The following OPA1 variants were observed in gnomAD, a reference collection of about 807,000 sequenced individuals.
The protein encoded by OPA1 is OPA1 mitochondrial dynamin like GTPase.
Under a neutral mutation model 152.9 loss-of-function variants are expected in OPA1, and 59 were observed. The ratio of observed to expected loss-of-function variants is 0.39; its 90% CI spans 0.31 to 0.48. OPA1 has a LOEUF of 0.48. OPA1 is among the 20% of genes least tolerant of loss of function. The pLI is 0.96. For missense variants in OPA1, 1,008 were observed against 1,216.8 expected (o/e 0.83, Z 2.55); for synonymous variants, 400 against 389.9 (o/e 1.03, Z -0.31).
Position 193,637,180 on chromosome 3 carries a change from T to G in OPA1, c.949-15T>G, listed in dbSNP as rs1169664862. 1.3e-6 allele frequency: 2 copies of G among 1,483,328 alleles called. No individual in the cohort carries two copies. Among genetic ancestry groups the G allele is most frequent in the Non-Finnish European group, 1.9e-6 (2 of 1,072,500 alleles). 91.9% of individuals were successfully genotyped at this position (1,483,328 alleles called of 1,614,324 possible). ...TTTTACTGTTTTATATTATAACTTT[T>G]TAAAATTTTTACAGAAATCTTTGAT... is the stretch of plus-strand genomic sequence containing the variant. On this transcript the variant is annotated splice_polypyrimidine_tract_variant and intron_variant, in intron 9 of 30. Coordinates refer to ENST00000361510, the MANE Select transcript of OPA1 (RefSeq NM_130837.3).
intron 1 of OPA1, among the ~76,000 whole-genome samples, chr3:193,612,027 T>A (rs1212188452): frequency 1.3e-5 from 2 of 152,166 alleles, no homozygotes; most frequent in Non-Finnish European, 2.9e-5. Flanking sequence ...CTGCCATCCA[T>A]TTCTGAGCTT....
Position 193,645,551 on chromosome 3 carries a change from A to C in OPA1, c.1609-2A>C. On this transcript the variant is annotated splice_acceptor_variant, in intron 16 of 30. Transcript: ENST00000361510. LOFTEE classifies it high-confidence loss of function. ...ATTAATTTTTCCCACTTTTAAAAATAGATTCAGCAGATAATTGAAGGAAAG... is the reference window on the plus strand; with the variant it reads ...ATTAATTTTTCCCACTTTTAAAAATCGATTCAGCAGATAATTGAAGGAAAG... The C allele has an allele frequency of 6.2e-7, 1 of 1,610,352 alleles. No homozygotes were observed. The highest frequency in any genetic ancestry group is 8.5e-7 in the Non-Finnish European group (1 of 1,177,170).
chr3:193,679,506 G>A (rs1043398068), intron 29 of OPA1, among the ~76,000 whole-genome samples: 8 of 152,216 alleles, frequency 5.3e-5, no homozygotes, highest in African/African-American at 1.9e-4. Context: ...TTCAGATAGA[G>A]AAATTAACGT....
chr3:193,618,035 T>C lies in OPA1; in HGVS notation c.610+198T>C, dbSNP rs1729345393. Among the ~76,000 whole-genome samples the C allele has an allele frequency of 4.6e-5, 7 of 152,204 alleles. 1 individual carries two copies. The South Asian group carries it at 1.4e-3, about 31-fold the overall frequency. On this transcript the variant is annotated intron_variant, in intron 5 of 30. Transcript: ENST00000361510. ...TATTTTGTGATAACACTAAAATTCT[T>C]AAATATGTATGTGTATTATAAGATT...
intron 7 of OPA1, chr3:193,627,391 C>G (rs1731331517): frequency 6.6e-6 from 1 of 152,058 alleles, no homozygotes; most frequent in South Asian, 2.1e-4. Flanking sequence ...ATGTGTTAAG[C>G]CAAGGAGGAC....
rs149243644 is a variant in OPA1, at chr3:193,663,089, G to A, written c.2661+127G>A. On this transcript the variant is annotated intron_variant, in intron 26 of 30. Transcript: ENST00000361510. Reference sequence around the variant, plus strand: ...GACTTTTGTCACGTGTACATTTGCTGACAGTAAAAGCTTAGTCATTTTGAT... The same window carrying A: ...GACTTTTGTCACGTGTACATTTGCTAACAGTAAAAGCTTAGTCATTTTGAT... 34 of 873,610 alleles carry A rather than the reference G, an allele frequency of 3.9e-5. 1 individual carries two copies. In the African/African-American group the frequency reaches 4.2e-4, roughly 11 times the overall value. 54.1% of individuals were successfully genotyped at this position (873,610 alleles called of 1,614,324 possible). A position where few individuals can be genotyped will look rare whatever the true frequency, so the allele number is the denominator to read the frequency against.
At position 193,647,190 on chromosome 3, in the gene OPA1, AT is replaced by A. The variant is rs1577255626; in HGVS notation, c.1870+16del. On this transcript the variant is annotated intron_variant, in intron 19 of 30. Coordinates refer to ENST00000361510, the MANE Select transcript of OPA1 (RefSeq NM_130837.3). ...GCTGATAGTTTCAAAGGTAAGTTGGATTTTTTAAAGAAGCAAGCAAATTAAG... is the reference window on the plus strand; with the variant it reads ...GCTGATAGTTTCAAAGGTAAGTTGGATTTTTAAAGAAGCAAGCAAATTAAG... 13 of 1,582,024 alleles carry A rather than the reference AT, an allele frequency of 8.2e-6. No individual in the cohort carries two copies. The East Asian group carries it at 2.9e-4, about 36-fold the overall frequency.
At chr3:193,679,233 CTTTTG>C (rs374566476) in intron 29 of OPA1, among the ~76,000 whole-genome samples, 235 of 145,128 alleles carry the variant, frequency 1.6e-3, no homozygotes, top group Non-Finnish European at 3.0e-3. Context: ...ATAGAGCCCG[CTTTTG>C]TTTTTGTTTT....
At chr3:193,655,895 A>G (rs1424668821) in intron 22 of OPA1, among the ~76,000 whole-genome samples, 1 of 152,154 alleles carries the variant, frequency 6.6e-6, no homozygotes, top group Admixed American at 6.5e-5. Flanking sequence ...TTTCATACCT[A>G]TCTTAAAGGC....
At chr3:193,682,935 T>A (rs1720382188) in intron 29 of OPA1, among the ~76,000 whole-genome samples, 1 of 151,990 alleles carries the variant, frequency 6.6e-6, no homozygotes, top group South Asian at 2.1e-4. Flanking sequence ...TAAAAATACG[T>A]GTCTTAAGGC....
Position 193,618,784 on chromosome 3 carries a change from T to C in OPA1, c.611-85T>C, listed in dbSNP as rs1292488466. 2.7e-6 allele frequency: 3 copies of C among 1,101,406 alleles called. No homozygotes were observed. In the African/African-American group the frequency reaches 4.6e-5, roughly 17 times the overall value. 68.2% of individuals were successfully genotyped at this position (1,101,406 alleles called of 1,614,324 possible). On this transcript the variant is annotated intron_variant, in intron 5 of 30. Transcript: ENST00000361510. ...AGTTGCTCTAAAAATCCATTCACCTTTTCATTGACTCGATGTAATTTGAAA... is the reference window on the plus strand; with the variant it reads ...AGTTGCTCTAAAAATCCATTCACCTCTTCATTGACTCGATGTAATTTGAAA...
intron 29 of OPA1, chr3:193,668,873 C>A: frequency 9.5e-7 from 1 of 1,052,904 alleles, no homozygotes; most frequent in Non-Finnish European, 1.2e-6. Flanking sequence ...TTTGAGAACT[C>A]AAGGAAATCA....
At chr3:193,679,751 A>G (rs1043032286) in intron 29 of OPA1, among the ~76,000 whole-genome samples, 2 of 152,152 alleles carry the variant, frequency 1.3e-5, no homozygotes, top group African/African-American at 4.8e-5. Context: ...TTGCCTCCTA[A>G]AGAGGTACAT....
At chr3:193,615,153 G>T in intron 2 of OPA1, 112 bp downstream of exon 2, 8 of 859,436 alleles carry the variant, frequency 9.3e-6, no homozygotes, top group South Asian at 1.4e-5. Flanking sequence ...CATTTATTTT[G>T]TGTCTCTACC....
At chr3:193,630,028 A>G (rs1731826311) in intron 7 of OPA1, among the ~76,000 whole-genome samples, 1 of 152,254 alleles carries the variant, frequency 6.6e-6, no homozygotes, top group Admixed American at 6.5e-5. Context: ...TTGGAAATTA[A>G]ATCCACATAA....
intron 29 of OPA1, chr3:193,668,610 G>C (rs1183641323): frequency 6.5e-7 from 1 of 1,531,110 alleles, no homozygotes; most frequent in East Asian, 2.5e-5. Flanking sequence ...TGCTTCGCCA[G>C]CCTGCACCAG....
intron 29 of OPA1, among the ~76,000 whole-genome samples, chr3:193,690,647 G>A (rs1202614227): frequency 2.6e-5 from 4 of 151,948 alleles, no homozygotes; most frequent in African/African-American, 9.7e-5. Flanking sequence ...CATTTTCTTG[G>A]GTACTCATCA....
intron 8 of OPA1, among the ~76,000 whole-genome samples, chr3:193,632,897 G>A (rs948657918): frequency 7.2e-5 from 11 of 152,156 alleles, no homozygotes; most frequent in Non-Finnish European, 1.6e-4. Context: ...GTTAATCTTG[G>A]ATCTCTTTTT....
intron 10 of OPA1, among the ~76,000 whole-genome samples, chr3:193,637,503 TTA>T (rs2109012941): frequency 6.6e-6 from 1 of 152,074 alleles, no homozygotes; most frequent in Admixed American, 6.6e-5. Flanking sequence ...TACATTATAT[TTA>T]TGAGTTACTG....
Sources: gnomAD v4.1 joint callset for allele counts (sites outside exome capture counted in the v4.1 genomes callset) on GRCh38, gnomAD v4.1.1 for gene constraint, MANE v1.5 for transcripts, NCBI Gene and HGNC (gene_info 2026-07-23, HGNC 2026-07-21) for gene names.